Variants in TPD52L1 observed in about 807,000 individuals in gnomAD.
TPD52L1 encodes the protein TPD52 like 1.
In TPD52L1, 18 loss-of-function variants were observed where a neutral mutation model predicts 28.7. The observed-to-expected ratio is 0.63, with a 90% CI of 0.43 to 0.93. The LOEUF is 0.93. TPD52L1 is among the 40% of genes least tolerant of loss of function. The probability of loss-of-function intolerance (pLI) is 0.00; values close to 1 mark genes in which losing one functional copy is unlikely to be tolerated. For missense variants in TPD52L1, 203 were observed against 254.8 expected (o/e 0.80, Z 1.39); for synonymous variants, 75 against 88.8 (o/e 0.84, Z 0.88).
At chr6:125,163,754 C>T (rs1790683962) in intron 1 of TPD52L1, among the ~76,000 whole-genome samples, 1 of 150,112 alleles carries the variant, frequency 6.7e-6, no homozygotes, top group African/African-American at 2.5e-5. Context: ...CGTGAAACCC[C>T]CTCTCTACTA....
chr6:125,230,065 G>A (rs571468844), intron 3 of TPD52L1, among the ~76,000 whole-genome samples: 14 of 152,160 alleles, frequency 9.2e-5, no homozygotes, highest in South Asian at 2.1e-4. Context: ...CCAGCCTGGC[G>A]ACAGAGGGAG....
At chr6:125,236,450 T>A (rs1796265850) in intron 3 of TPD52L1, among the ~76,000 whole-genome samples, 1 of 152,172 alleles carries the variant, frequency 6.6e-6, no homozygotes, top group African/African-American at 2.4e-5. Flanking sequence ...CTAGCTATAT[T>A]TAAATTATGC....
At chr6:125,246,119 A>G (rs1417207763) in intron 3 of TPD52L1, among the ~76,000 whole-genome samples, 1 of 152,160 alleles carries the variant, frequency 6.6e-6, no homozygotes, top group African/African-American at 2.4e-5. Context: ...GAGTGCCTAT[A>G]AGGCTTTTCC....
chr6:125,187,641 A>G (rs1432146692), intron 1 of TPD52L1, among the ~76,000 whole-genome samples: 1 of 152,240 alleles, frequency 6.6e-6, no homozygotes, highest in Non-Finnish European at 1.5e-5. Flanking sequence ...ATGAATGGTG[A>G]AGATTAACAA....
At chr6:125,168,037 G>T (rs1791020266) in intron 1 of TPD52L1, among the ~76,000 whole-genome samples, 1 of 152,196 alleles carries the variant, frequency 6.6e-6, no homozygotes, top group South Asian at 2.1e-4. Context: ...TGGGGAAATA[G>T]ATCAGTTCTA....
At chr6:125,262,702 T>A in intron 6 of TPD52L1, 132 bp from the exon 7 acceptor site, 1 of 1,223,614 alleles carries the variant, frequency 8.2e-7, no homozygotes, top group Non-Finnish European at 1.1e-6. Context: ...CAAACTTCTG[T>A]GCATTCTTTT....
chr6:125,187,551 G>A (rs574421613), intron 1 of TPD52L1, among the ~76,000 whole-genome samples: 28 of 152,148 alleles, frequency 1.8e-4, no homozygotes, highest in African/African-American at 4.8e-4. Context: ...GAATACATGC[G>A]GTATTTGCTT....
intron 3 of TPD52L1, among the ~76,000 whole-genome samples, chr6:125,232,556 T>C (rs1055116560): frequency 3.9e-5 from 6 of 152,136 alleles, no homozygotes; most frequent in African/African-American, 1.4e-4. Flanking sequence ...TAAAAAAAAT[T>C]TTTAGCTGTC....
chr6:125,250,753 T>C (rs2115042585), intron 4 of TPD52L1, among the ~76,000 whole-genome samples: 1 of 152,348 alleles, frequency 6.6e-6, no homozygotes, highest in Non-Finnish European at 1.5e-5. Flanking sequence ...CCCGTTTCAA[T>C]GTGGCTTTGT....
rs1798140762 is a variant in TPD52L1, at chr6:125,262,907, C to T, written c.560C>T (p.Ala187Val). Residue 187 changes from alanine (A) to valine (V), a missense_variant, in exon 7 of 7, where the codon GCC becomes GTC. By Grantham distance (64) the Ala-to-Val change is moderately conservative (BLOSUM62 0). Transcript: ENST00000534000. ...EVLSSTAHAS[A>V]QSLAGGSRRT... is the part of the protein sequence containing the mutation. ...CTCAGCTCCACGGCCCATGCCAGTG[C>T]CCAGAGCTTGGCAGGAGGCTCCCGG... 6.2e-7 allele frequency: 1 copy of T among 1,614,238 alleles called. No homozygotes were observed. The highest frequency in any genetic ancestry group is 2.2e-5 in the East Asian group (1 of 44,886).
chr6:125,197,754 C>G (rs757982262), intron 1 of TPD52L1, among the ~76,000 whole-genome samples: 2 of 152,134 alleles, frequency 1.3e-5, no homozygotes, highest in African/African-American at 2.4e-5. Flanking sequence ...TTTTCAGAGT[C>G]TAAAAGAGGC....
intron 4 of TPD52L1, among the ~76,000 whole-genome samples, chr6:125,250,773 T>C (rs1797219471): frequency 6.6e-6 from 1 of 152,216 alleles, no homozygotes; most frequent in Non-Finnish European, 1.5e-5. Context: ...TCTAGTATAG[T>C]GGATGGCCTA....
At chr6:125,247,455 T>A (rs1212381302) in intron 3 of TPD52L1, among the ~76,000 whole-genome samples, 1 of 152,208 alleles carries the variant, frequency 6.6e-6, no homozygotes, top group Non-Finnish European at 1.5e-5. Flanking sequence ...CTTGCTCTTA[T>A]TTATCACTTA....
At chr6:125,184,600 T>C (rs530689486) in intron 1 of TPD52L1, among the ~76,000 whole-genome samples, 50 of 152,356 alleles carry the variant, frequency 3.3e-4, no homozygotes, top group Non-Finnish European at 6.0e-4. Flanking sequence ...TGGTATTTTG[T>C]TTGCATATGA....
At chr6:125,154,918 G>A (rs561117) in intron 1 of TPD52L1, among the ~76,000 whole-genome samples, 83,092 of 151,424 alleles carry the variant, frequency 0.55, 24,354 homozygotes, top group African/African-American at 0.76. Flanking sequence ...TCTTAGTATA[G>A]ATAAAATCTC....
At chr6:125,226,064 G>A (rs1795588884) in intron 2 of TPD52L1, among the ~76,000 whole-genome samples, 1 of 152,102 alleles carries the variant, frequency 6.6e-6, no homozygotes, top group South Asian at 2.1e-4. Context: ...AGAGGTTGTT[G>A]GCCTTTTGGA....
chr6:125,154,627 C>A, intron 1 of TPD52L1: 1 of 715,894 alleles, frequency 1.4e-6, no homozygotes, highest in Non-Finnish European at 1.7e-6. Flanking sequence ...GGGCTGCCTG[C>A]TGGAGGAGCC....
chr6:125,245,285 T>C (rs777990332), intron 3 of TPD52L1, among the ~76,000 whole-genome samples: 2 of 152,212 alleles, frequency 1.3e-5, no homozygotes, highest in Admixed American at 6.5e-5. Flanking sequence ...CTTTTCTTCT[T>C]CCTGGGATCA....
chr6:125,262,994 C>A lies in TPD52L1; in HGVS notation c.*32C>A. The stretch of plus-strand genomic sequence containing the variant: ...CCAGCGTGCAGCTGCATCCAGAAAC[C>A]GGCCACTACCCAGCCCATCTCTGCC... On this transcript the variant is annotated 3_prime_UTR_variant, in exon 7 of 7. Coordinates refer to ENST00000534000, the MANE Select transcript of TPD52L1 (RefSeq NM_003287.4). The A allele has an allele frequency of 6.3e-7, 1 of 1,595,664 alleles. No individual in the cohort carries two copies. Among genetic ancestry groups the A allele is most frequent in the East Asian group, 2.3e-5 (1 of 43,916 alleles).
Sources: allele counts gnomAD v4.1 joint callset (sites outside exome capture counted in the v4.1 genomes callset), GRCh38; gene constraint gnomAD v4.1.1; transcripts MANE v1.5; gene names NCBI Gene and HGNC (gene_info 2026-07-23, HGNC 2026-07-21).